Variants in USH2A observed in about 807,000 individuals in gnomAD.
The protein encoded by USH2A is usherin.
Under a neutral mutation model 538.9 loss-of-function variants are expected in USH2A, and 443 were observed. The observed-to-expected ratio is 0.82, with a 90% CI of 0.76 to 0.89. The LOEUF (loss-of-function observed/expected upper bound fraction) is 0.89, where lower values mean the gene tolerates loss of function less well. Ranked by LOEUF, USH2A falls within the 40% of genes least tolerant of loss-of-function variation. The pLI, the probability that USH2A is intolerant of heterozygous loss-of-function variation, is 0.00. For synonymous variants in USH2A, 2,413 were observed against 2,273.5 expected, an observed-to-expected ratio of 1.06 and a Z score of -1.75; for missense variants, 6,633 against 6,324.8, an observed-to-expected ratio of 1.05 and a Z score of -1.65.
chr1:215,766,793 A>C lies in USH2A; in HGVS notation c.10940-5T>G, dbSNP rs774828720. ...AGTTGGTGTATGGCTGGAGACCTAG[A>C]AAAAGCAAGCAAGAAATAAAGTGCA... On this transcript the variant is annotated splice_polypyrimidine_tract_variant and splice_region_variant and intron_variant, in intron 55 of 71. Coordinates refer to ENST00000307340, the MANE Select transcript of USH2A (RefSeq NM_206933.4). The C allele has an allele frequency of 1.2e-6, 2 of 1,612,262 alleles. No individual in the cohort carries two copies. The highest frequency in any genetic ancestry group is 1.7e-6 in the Non-Finnish European group (2 of 1,178,496).
chr1:215,677,941 T>G (rs893131729), intron 62 of USH2A, among the ~76,000 whole-genome samples: 1 of 152,154 alleles, frequency 6.6e-6, no homozygotes, highest in African/African-American at 2.4e-5. Context: ...CATCTTCCAG[T>G]CTCCCCTTCC....
intron 2 of USH2A, among the ~76,000 whole-genome samples, chr1:216,419,051 A>T (rs1264503046): frequency 6.6e-6 from 1 of 152,118 alleles, no homozygotes; most frequent in Non-Finnish European, 1.5e-5. Context: ...AGGCCGCTTG[A>T]GTATTAAGTC....
chr1:216,286,140 G>A (rs1056264217), intron 11 of USH2A, among the ~76,000 whole-genome samples: 12 of 152,132 alleles, frequency 7.9e-5, no homozygotes, highest in East Asian at 1.9e-4. Context: ...CCAAGTGTGA[G>A]TTTGGCTGTG....
At chr1:215,724,614 A>T (rs1287831695) in intron 61 of USH2A, among the ~76,000 whole-genome samples, 1 of 152,182 alleles carries the variant, frequency 6.6e-6, no homozygotes, top group Non-Finnish European at 1.5e-5. Context: ...TTAAGTTTAT[A>T]CAAAAATAAA....
chr1:216,268,104 A>G (rs893085936), intron 11 of USH2A, among the ~76,000 whole-genome samples: 2 of 152,134 alleles, frequency 1.3e-5, no homozygotes, highest in Non-Finnish European at 2.9e-5. Flanking sequence ...AAGGGAAAGT[A>G]AGTGACTTAG....
At chr1:216,062,123 A>G (rs1463836689) in intron 30 of USH2A, among the ~76,000 whole-genome samples, 1 of 152,220 alleles carries the variant, frequency 6.6e-6, no homozygotes, top group Non-Finnish European at 1.5e-5. Context: ...TGAAAGAAGG[A>G]TAAGGATATA....
At chr1:215,646,746 C>T (rs981802001) in intron 67 of USH2A, among the ~76,000 whole-genome samples, 1 of 152,118 alleles carries the variant, frequency 6.6e-6, no homozygotes, top group Non-Finnish European at 1.5e-5. Flanking sequence ...AGGCTGGTCT[C>T]GAACTCCTGA....
rs77245658 is a variant in USH2A at position 216,395,390 on chromosome 1, T to A, written c.651+23124A>T. On this transcript the variant is annotated intron_variant, in intron 3 of 71. Coordinates refer to ENST00000307340, the MANE Select transcript of USH2A (RefSeq NM_206933.4). ...AATTCTTTTAATGCTTTACTTTTTT[T>A]AAAAACAATGTCACCAATTCAGAAT... is the stretch of plus-strand genomic sequence containing the variant. Among the ~76,000 whole-genome samples, 173 of 152,336 alleles carry A rather than the reference T, an allele frequency of 1.1e-3. 1 individual carries two copies. The highest frequency in any genetic ancestry group is 2.7e-3 in the Admixed American group (41 of 15,292).
At chr1:216,000,822 G>A (rs192497398) in intron 32 of USH2A, among the ~76,000 whole-genome samples, 145 of 152,168 alleles carry the variant, frequency 9.5e-4, no homozygotes, top group Middle Eastern at 6.8e-3. Flanking sequence ...TTTCTTGAAC[G>A]TCTGTGACCA....
At position 216,050,604 on chromosome 1, in the gene USH2A, C is replaced by CTT. The variant is rs746265112; in HGVS notation, c.6050-1959_6050-1958dup. 3.4e-4 allele frequency among the ~76,000 whole-genome samples: 23 copies of CTT among 68,598 alleles called. 2 individuals are homozygous for CTT. Among genetic ancestry groups the CTT allele is most frequent in the African/African-American group, 1.2e-3 (22 of 18,816 alleles). The allele number at this position is 68,598 out of a possible 152,430, so 45.0% of individuals were successfully genotyped here. A position where few individuals can be genotyped will look rare whatever the true frequency, so the allele number is the denominator to read the frequency against. On this transcript the variant is annotated intron_variant, in intron 30 of 71. Transcript: ENST00000307340. ...TCTTTCTTTCTTTCTTTCTTTCTTT[C>CTT]TTTTTTTTTTTTTTTTTTGAGACAG...
At chr1:215,839,817 AAATT>A (rs1457968074) in intron 46 of USH2A, among the ~76,000 whole-genome samples, 1 of 152,160 alleles carries the variant, frequency 6.6e-6, no homozygotes, top group East Asian at 1.9e-4. Context: ...AATAAAAATG[AAATT>A]ATTATTTCTT....
intron 21 of USH2A, among the ~76,000 whole-genome samples, chr1:216,120,625 C>T (rs1240027347): frequency 6.6e-6 from 1 of 151,928 alleles, no homozygotes; most frequent in Non-Finnish European, 1.5e-5. Flanking sequence ...ATGATCCACC[C>T]GCCTCGGCCT....
chr1:216,085,342 C>G (rs1016040949), intron 24 of USH2A, among the ~76,000 whole-genome samples: 1 of 151,864 alleles, frequency 6.6e-6, no homozygotes, highest in African/African-American at 2.4e-5. Context: ...TAGTGTTGAT[C>G]TTGAATGTGG....
chr1:216,320,221 A>C (rs1395220290), intron 9 of USH2A, among the ~76,000 whole-genome samples: 1 of 151,958 alleles, frequency 6.6e-6, no homozygotes, highest in Non-Finnish European at 1.5e-5. Context: ...CTGTTAGTTC[A>C]TGGCTGTTTA....
intron 26 of USH2A, among the ~76,000 whole-genome samples, chr1:216,082,271 G>GTTTCAGCGAAGATTCATAGACATTACA (rs766532106): frequency 0.22 from 32,985 of 147,438 alleles, 3,730 homozygotes; most frequent in African/African-American, 0.26. Context: ...TAGACATTAC[G>GTTTCAGCGAAGATTCATAGACATTACA]TTTCAGCGAA....
rs116802588 is a variant in USH2A at position 215,972,970 on chromosome 1, T to A, written c.6806-2194A>T. The stretch of plus-strand genomic sequence containing the variant: ...ACACATAGTGAAAACACCACCTACC[T>A]ATAATACATAGAAAATTTAAAGGGA... On this transcript the variant is annotated intron_variant, in intron 35 of 71. Coordinates refer to ENST00000307340, the MANE Select transcript of USH2A (RefSeq NM_206933.4). Among the ~76,000 whole-genome samples, 1,359 of 152,182 alleles carry A rather than the reference T, an allele frequency of 8.9e-3. 11 individuals are homozygous for A. The highest frequency in any genetic ancestry group is 0.036 in the South Asian group (174 of 4,812).
chr1:216,212,784 CCTCT>C (rs2035269311), intron 15 of USH2A, among the ~76,000 whole-genome samples: 1 of 151,392 alleles, frequency 6.6e-6, no homozygotes, highest in East Asian at 1.9e-4. Context: ...ACCTTTATTT[CCTCT>C]ACCCTCCAGT....
rs193120025 is a variant in USH2A at position 215,968,238 on chromosome 1, C to G, written c.6957+2387G>C. On this transcript the variant is annotated intron_variant, in intron 36 of 71. Transcript: ENST00000307340. ...TAAAAATTAGGTTCAAAGGCTTTGT[C>G]AATTGTTTTCTATATTGAAATTTCC... 1.7e-3 allele frequency among the ~76,000 whole-genome samples: 260 copies of G among 152,064 alleles called. 1 individual carries two copies. The highest frequency in any genetic ancestry group is 5.7e-3 in the African/African-American group (235 of 41,520).
rs143696882 is a variant in USH2A at position 215,680,298 on chromosome 1, C to T, written c.12145G>A (p.Ala4049Thr). 180 of 1,614,124 alleles carry T rather than the reference C, an allele frequency of 1.1e-4. No individual in the cohort carries two copies. In the African/African-American group the frequency reaches 2.3e-3, roughly 20 times the overall value. ...YRIGVVAANH[A>T]GEILSPWTLI... Reference sequence around the variant, plus strand: ...GTCCAAGGGCTTAAAATTTCTCCTGCATGGTTTGCAGCCACAACACCAATG... The same window carrying T: ...GTCCAAGGGCTTAAAATTTCTCCTGTATGGTTTGCAGCCACAACACCAATG... Residue 4049 changes from alanine (A) to threonine (T), a missense_variant, in exon 62 of 72, where the codon GCA becomes ACA. Coordinates refer to ENST00000307340, the MANE Select transcript of USH2A (RefSeq NM_206933.4).
Sources: allele counts gnomAD v4.1 joint callset (sites outside exome capture counted in the v4.1 genomes callset), GRCh38; gene constraint gnomAD v4.1.1; transcripts MANE v1.5; gene names NCBI Gene and HGNC (gene_info 2026-07-23, HGNC 2026-07-21).